ENTREP2: variants seen among roughly 807,000 people sequenced by gnomAD.
ENTREP2 encodes endosomal transmembrane epsin interactor 2.
the ENTREP2 span, among the ~76,000 whole-genome samples, chr15:29,229,097 GAAAT>G: frequency 6.6e-6 from 1 of 152,060 alleles, no homozygotes; most frequent in Non-Finnish European, 1.5e-5. Flanking sequence ...AGATGGTGAA[GAAAT>G]ATTTTGTGAC....
At chr15:29,155,057 T>A in the ENTREP2 span, among the ~76,000 whole-genome samples, 1 of 150,790 alleles carries the variant, frequency 6.6e-6, no homozygotes, top group Non-Finnish European at 1.5e-5. Context: ...CCAAGGTGGG[T>A]GGATCACAAG....
At chr15:29,263,939 G>C in the ENTREP2 span, among the ~76,000 whole-genome samples, 2 of 152,014 alleles carry the variant, frequency 1.3e-5, no homozygotes, top group Admixed American at 6.5e-5. Context: ...TGGATCACGA[G>C]GTCAGGAGAT....
chr15:29,142,011 A>C, the ENTREP2 span, among the ~76,000 whole-genome samples: 1 of 152,292 alleles, frequency 6.6e-6, no homozygotes, highest in South Asian at 2.1e-4. Flanking sequence ...TTCTGTGAAA[A>C]CCAAGTTGAA....
the ENTREP2 span, among the ~76,000 whole-genome samples, chr15:29,220,926 G>A: frequency 6.6e-6 from 1 of 152,012 alleles, no homozygotes; most frequent in Non-Finnish European, 1.5e-5. Context: ...TGCAACAGAT[G>A]TTCAAATTAT....
At chr15:29,667,704 C>T in the ENTREP2 span, among the ~76,000 whole-genome samples, 1 of 151,948 alleles carries the variant, frequency 6.6e-6, no homozygotes, top group African/African-American at 2.4e-5. Context: ...CCATGTTGGC[C>T]AGGCTGGTCT....
chr15:29,452,791 A>T, the ENTREP2 span: 1 of 150,160 alleles, frequency 6.7e-6, no homozygotes, highest in Non-Finnish European at 1.5e-5. Context: ...TCAACATAAC[A>T]CTTAAAGCAA....
At chr15:29,346,472 C>T in the ENTREP2 span, among the ~76,000 whole-genome samples, 1 of 143,948 alleles carries the variant, frequency 6.9e-6, no homozygotes, top group Non-Finnish European at 1.5e-5. Context: ...GAGAAGGGAC[C>T]CAGGCAGGGG....
the ENTREP2 span, among the ~76,000 whole-genome samples, chr15:29,356,936 G>A: frequency 1.3e-5 from 2 of 152,142 alleles, no homozygotes; most frequent in African/African-American, 4.8e-5. Flanking sequence ...GATGCCTTTG[G>A]AGGGAAGAGA....
chr15:29,567,398 A>G, the ENTREP2 span, among the ~76,000 whole-genome samples: 1 of 152,024 alleles, frequency 6.6e-6, no homozygotes, highest in African/African-American at 2.4e-5. Flanking sequence ...GCTAAAGTGG[A>G]CCCCTTTACC....
the ENTREP2 span, among the ~76,000 whole-genome samples, chr15:29,493,762 G>T: frequency 5.3e-5 from 8 of 152,082 alleles, 1 homozygote; most frequent in Admixed American, 2.0e-4. Flanking sequence ...AATCACCTGA[G>T]GTCAGGAGTT....
chr15:29,407,232 C>A, the ENTREP2 span, among the ~76,000 whole-genome samples: 1 of 152,192 alleles, frequency 6.6e-6, no homozygotes, highest in African/African-American at 2.4e-5. Flanking sequence ...ACACTGTAGG[C>A]AACTGTAATA....
chr15:29,551,021 C>A, the ENTREP2 span, among the ~76,000 whole-genome samples: 1 of 152,166 alleles, frequency 6.6e-6, no homozygotes, highest in African/African-American at 2.4e-5. Flanking sequence ...TCCTTGGCTA[C>A]AGCAGGCCAA....
At chr15:29,217,920 CT>C in the ENTREP2 span, among the ~76,000 whole-genome samples, 5 of 152,108 alleles carry the variant, frequency 3.3e-5, no homozygotes, top group Non-Finnish European at 5.9e-5. Flanking sequence ...TGTTCAGATT[CT>C]TTTTTTCCCA....
the ENTREP2 span, among the ~76,000 whole-genome samples, chr15:29,371,386 G>A: frequency 2.4e-4 from 22 of 91,518 alleles, no homozygotes; most frequent in South Asian, 7.8e-4. Context: ...ACACACACAC[G>A]AAACCAACTA....
chr15:29,444,206 G>GAAAGAAAGAAAGAAAGA, the ENTREP2 span, among the ~76,000 whole-genome samples: 22 of 144,652 alleles, frequency 1.5e-4, no homozygotes, highest in African/African-American at 5.6e-4. Context: ...AAGAAAGAAA[G>GAAAGAAAGAAAGAAAGA]AAAGAAAGAA....
At chr15:29,386,492 C>T in the ENTREP2 span, among the ~76,000 whole-genome samples, 146 of 152,334 alleles carry the variant, frequency 9.6e-4, no homozygotes, top group African/African-American at 3.4e-3. Context: ...GTCCAGACTC[C>T]TAACCCAAGA....
chr15:29,170,351 T>C, the ENTREP2 span, among the ~76,000 whole-genome samples: 2,980 of 149,980 alleles, frequency 0.02, 92 homozygotes, highest in African/African-American at 0.069. Context: ...CAAAATTCAT[T>C]CACTAGCAAC....
the ENTREP2 span, among the ~76,000 whole-genome samples, chr15:29,206,334 C>T: frequency 6.6e-6 from 1 of 152,150 alleles, no homozygotes; most frequent in Non-Finnish European, 1.5e-5. Context: ...CCAAGGACCC[C>T]ACCTCCTAAT....
At chr15:29,160,890 T>C in the ENTREP2 span, among the ~76,000 whole-genome samples, 1 of 152,014 alleles carries the variant, frequency 6.6e-6, no homozygotes. Flanking sequence ...GATATAATGA[T>C]AGAAGGTATG....
Sources: allele counts gnomAD v4.1 joint callset (sites outside exome capture counted in the v4.1 genomes callset), GRCh38; gene constraint gnomAD v4.1.1; transcripts MANE v1.5; gene names NCBI Gene and HGNC (gene_info 2026-07-23, HGNC 2026-07-21).